The following SYT1 variants were observed in gnomAD, a reference collection of about 807,000 sequenced individuals.
The protein encoded by SYT1 is synaptotagmin-1.
Under a neutral mutation model 44.8 loss-of-function variants are expected in SYT1, and 8 were observed. The ratio of observed to expected loss-of-function variants is 0.18; its 90% CI spans 0.10 to 0.32. SYT1 has a LOEUF of 0.32. SYT1 is among the 10% of genes least tolerant of loss of function. The pLI is 1.00. For missense variants in SYT1, 286 were observed against 509.3 expected, an observed-to-expected ratio of 0.56 and a Z score of 4.22; for synonymous variants, 154 against 188.8, an observed-to-expected ratio of 0.82 and a Z score of 1.51.
At chr12:79,389,441 C>T (rs1884567000) in intron 9 of SYT1, among the ~76,000 whole-genome samples, 1 of 152,146 alleles carries the variant, frequency 6.6e-6, no homozygotes, top group Non-Finnish European at 1.5e-5. Context: ...AGTTGCTAAG[C>T]ATTTAATATG....
At chr12:79,290,124 T>C (rs1457943058) in intron 5 of SYT1, among the ~76,000 whole-genome samples, 1 of 152,170 alleles carries the variant, frequency 6.6e-6, no homozygotes, top group Non-Finnish European at 1.5e-5. Flanking sequence ...CACCGATGTA[T>C]ATCATGATGG....
At position 79,257,865 on chromosome 12, in the gene SYT1, T is replaced by C. The variant is rs17005446; in HGVS notation, c.167-27922T>C. The stretch of plus-strand genomic sequence containing the variant: ...GTTTGTGTCCACATCCCCTTTGATA[T>C]ACTGGGTTATGGCCTTGGCGGTGAA... On this transcript the variant is annotated intron_variant, in intron 4 of 10. Transcript: ENST00000261205. 4.0e-3 allele frequency among the ~76,000 whole-genome samples: 604 copies of C among 152,300 alleles called. 8 individuals are homozygous for C. The highest frequency in any genetic ancestry group is 0.014 in the African/African-American group (587 of 41,568).
intron 8 of SYT1, among the ~76,000 whole-genome samples, chr12:79,315,060 G>A (rs530128319): frequency 6.6e-6 from 1 of 152,216 alleles, no homozygotes; most frequent in South Asian, 2.1e-4. Flanking sequence ...GAATTAGATA[G>A]CAATGATGGT....
At chr12:79,235,411 A>G (rs1027340657) in intron 4 of SYT1, among the ~76,000 whole-genome samples, 1 of 152,094 alleles carries the variant, frequency 6.6e-6, no homozygotes, top group African/African-American at 2.4e-5. Context: ...AGAAGAAAAT[A>G]TAGACAATAA....
intron 3 of SYT1, among the ~76,000 whole-genome samples, chr12:79,067,085 A>C (rs543334102): frequency 4.0e-4 from 61 of 152,304 alleles, no homozygotes; most frequent in African/African-American, 1.5e-3. Flanking sequence ...TTCCTGCCAC[A>C]ACAAGCCAGT....
chr12:79,285,887 CAAG>C lies in SYT1; in HGVS notation c.274_276del (p.Lys92del), dbSNP rs1565890971. 2.5e-6 allele frequency: 4 copies of C among 1,613,160 alleles called. No individual in the cohort carries two copies. The highest frequency in any genetic ancestry group is 1.1e-5 in the South Asian group (1 of 91,008). On this transcript the variant is annotated inframe_deletion, in exon 5 of 11. Transcript: ENST00000261205. ...AGAAATGTTTGTTCAAAAAGAAAAA[CAAG>C]AAGAAGGGAAAGGAAAAAGGAGGGA...
At position 78,951,097 on chromosome 12, in the gene SYT1, G is replaced by A. The variant is rs571649028; in HGVS notation, c.-216-26702G>A. 7.2e-5 allele frequency among the ~76,000 whole-genome samples: 11 copies of A among 152,222 alleles called. No homozygotes were observed. The East Asian group carries it at 2.1e-3, about 29-fold the overall frequency. On this transcript the variant is annotated intron_variant, in intron 1 of 10. Coordinates refer to ENST00000261205, the MANE Select transcript of SYT1 (RefSeq NM_005639.3). ...TAAATGAACGTATGTATTCTCTCCAGAGTGATAGTCAAGTCCAAACTCTCA... is the reference window on the plus strand; with the variant it reads ...TAAATGAACGTATGTATTCTCTCCAAAGTGATAGTCAAGTCCAAACTCTCA...
intron 4 of SYT1, among the ~76,000 whole-genome samples, chr12:79,227,408 C>A (rs1875587797): frequency 6.6e-6 from 1 of 152,030 alleles, no homozygotes; most frequent in Non-Finnish European, 1.5e-5. Flanking sequence ...GAACTCATGT[C>A]ATCTGAATAG....
chr12:79,337,334 C>T (rs1882137973), intron 8 of SYT1, among the ~76,000 whole-genome samples: 1 of 152,160 alleles, frequency 6.6e-6, no homozygotes, highest in South Asian at 2.1e-4. Context: ...AATGACATCT[C>T]CAAATTGCGT....
intron 3 of SYT1, among the ~76,000 whole-genome samples, chr12:79,199,108 C>G (rs1215488067): frequency 6.6e-6 from 1 of 152,146 alleles, no homozygotes; most frequent in Admixed American, 6.5e-5. Flanking sequence ...GCAGTAGAGA[C>G]TTTTGCTGTT....
chr12:79,179,728 T>C (rs1331690678), intron 3 of SYT1, among the ~76,000 whole-genome samples: 1 of 151,756 alleles, frequency 6.6e-6, no homozygotes, highest in South Asian at 2.1e-4. Flanking sequence ...CTGAAAACAG[T>C]AGTTTCTAAC....
intron 3 of SYT1, among the ~76,000 whole-genome samples, chr12:79,143,767 T>TC (rs912700143): frequency 6.6e-6 from 1 of 151,902 alleles, no homozygotes; most frequent in Non-Finnish European, 1.5e-5. Flanking sequence ...CTCCTCTACT[T>TC]CCCCCCTTAA....
At chr12:79,082,151 T>C (rs928345282) in intron 3 of SYT1, among the ~76,000 whole-genome samples, 33 of 152,326 alleles carry the variant, frequency 2.2e-4, no homozygotes, top group African/African-American at 7.7e-4. Context: ...TGACCTTTTA[T>C]AGATGCTTTC....
In SYT1 at chr12:79,315,622, TG is replaced by T. The variant is rs149103005; in HGVS notation, c.810+16075del. 8.4e-3 allele frequency among the ~76,000 whole-genome samples: 1,276 copies of T among 152,284 alleles called. 12 individuals are homozygous for T. Among genetic ancestry groups the T allele is most frequent in the African/African-American group, 0.029 (1,205 of 41,554 alleles). On this transcript the variant is annotated intron_variant, in intron 8 of 10. Transcript: ENST00000261205. ...TCAGGTGTGCTGGAAATGTCTTTCCTGGGGCTGTTTCAAAAGTTTTGGGATA... is the reference window on the plus strand; with the variant it reads ...TCAGGTGTGCTGGAAATGTCTTTCCTGGGCTGTTTCAAAAGTTTTGGGATA...
At chr12:79,158,860 G>C (rs1286853883) in intron 3 of SYT1, among the ~76,000 whole-genome samples, 1 of 151,648 alleles carries the variant, frequency 6.6e-6, no homozygotes, top group Non-Finnish European at 1.5e-5. Context: ...TCACGCCACT[G>C]AACTCCAGCC....
intron 3 of SYT1, among the ~76,000 whole-genome samples, chr12:79,166,450 A>C (rs1170045171): frequency 1.3e-5 from 2 of 151,996 alleles, no homozygotes; most frequent in East Asian, 3.9e-4. Flanking sequence ...AAACTGATAT[A>C]TACACTGCAG....
chr12:79,165,216 ACT>A (rs888295672), intron 3 of SYT1, among the ~76,000 whole-genome samples: 1 of 151,918 alleles, frequency 6.6e-6, no homozygotes, highest in African/African-American at 2.4e-5. Context: ...ACAATTTTTA[ACT>A]CTGTTTTTCT....
chr12:79,279,066 T>C (rs2895706), intron 4 of SYT1, among the ~76,000 whole-genome samples: 51,706 of 147,756 alleles, frequency 0.35, 9,273 homozygotes, highest in East Asian at 0.59. Flanking sequence ...GATGAATTCA[T>C]AGCCAAATTC....
At chr12:79,287,326 G>A (rs1425994718) in intron 5 of SYT1, among the ~76,000 whole-genome samples, 2 of 152,054 alleles carry the variant, frequency 1.3e-5, no homozygotes, top group African/African-American at 2.4e-5. Flanking sequence ...ATGCATAAAC[G>A]TTCAACTACA....
Sources: allele counts gnomAD v4.1 joint callset (sites outside exome capture counted in the v4.1 genomes callset), GRCh38; gene constraint gnomAD v4.1.1; transcripts MANE v1.5; gene names NCBI Gene and HGNC (gene_info 2026-07-23, HGNC 2026-07-21).